Variants in SGCD observed in about 807,000 individuals in gnomAD.
The protein encoded by SGCD is delta-sarcoglycan.
In SGCD, 18 loss-of-function variants were observed where a neutral mutation model predicts 36.6. The ratio of observed to expected loss-of-function variants is 0.49; its 90% CI spans 0.34 to 0.73. The LOEUF (loss-of-function observed/expected upper bound fraction) is 0.73, where lower values mean the gene tolerates loss of function less well. SGCD is among the 30% of genes least tolerant of loss of function. The pLI is 0.01. For synonymous variants in SGCD, 133 were observed against 130.6 expected, an observed-to-expected ratio of 1.02 and a Z score of -0.12; for missense variants, 387 against 346.7, an observed-to-expected ratio of 1.12 and a Z score of -0.92.
chr5:156,602,828 T>C (rs1761255775), intron 6 of SGCD, among the ~76,000 whole-genome samples: 1 of 152,210 alleles, frequency 6.6e-6, no homozygotes, highest in Non-Finnish European at 1.5e-5. Context: ...TAATTTGCTG[T>C]TAAATTCAGT....
At chr5:156,490,686 G>C (rs114985610) in intron 3 of SGCD, among the ~76,000 whole-genome samples, 6 of 152,004 alleles carry the variant, frequency 3.9e-5, no homozygotes, top group Non-Finnish European at 5.9e-5. Context: ...CAATAAATTA[G>C]GCATAGAAGG....
At chr5:156,143,654 T>C (rs569311741) in intron 3 of SGCD, among the ~76,000 whole-genome samples, 1 of 152,330 alleles carries the variant, frequency 6.6e-6, no homozygotes, top group African/African-American at 2.4e-5. Context: ...AAGATTATTT[T>C]GGAGGTTTAA....
intron 3 of SGCD, among the ~76,000 whole-genome samples, chr5:156,163,792 G>T (rs916060485): frequency 1.3e-5 from 2 of 151,308 alleles, no homozygotes; most frequent in African/African-American, 2.5e-5. Flanking sequence ...AGGCCGAGGC[G>T]GGTGGATCAC....
chr5:156,158,806 C>T (rs1267644880), intron 3 of SGCD, among the ~76,000 whole-genome samples: 1 of 151,416 alleles, frequency 6.6e-6, no homozygotes, highest in East Asian at 1.9e-4. Flanking sequence ...ACAGCTGGAG[C>T]ATTCAAAAAA....
the SGCD span, among the ~76,000 whole-genome samples, chr5:155,819,995 T>A: frequency 6.6e-6 from 1 of 152,132 alleles, no homozygotes; most frequent in African/African-American, 2.4e-5. Flanking sequence ...TTGATTTCAG[T>A]TAGAGGAATT....
chr5:156,688,664 T>G (rs916194379), intron 7 of SGCD, among the ~76,000 whole-genome samples: 1 of 152,186 alleles, frequency 6.6e-6, no homozygotes, highest in African/African-American at 2.4e-5. Context: ...TGCCTCTTTG[T>G]CATGGTAGAG....
chr5:155,769,544 A>C, the SGCD span, among the ~76,000 whole-genome samples: 1 of 152,066 alleles, frequency 6.6e-6, no homozygotes, highest in African/African-American at 2.4e-5. Context: ...CAAATGGTTG[A>C]ATGGTAGCCA....
intron 1 of SGCD, among the ~76,000 whole-genome samples, chr5:155,896,627 CAGAG>C (rs377670649): frequency 2.0e-5 from 3 of 148,068 alleles, no homozygotes; most frequent in African/African-American, 5.0e-5. Flanking sequence ...GCCTGGGTGA[CAGAG>C]AGAGACCGTG....
At chr5:155,983,891 C>A (rs948416717) in intron 1 of SGCD, among the ~76,000 whole-genome samples, 1 of 152,030 alleles carries the variant, frequency 6.6e-6, no homozygotes, top group African/African-American at 2.4e-5. Flanking sequence ...AATTCTTTGC[C>A]CCTCTGCTGA....
At chr5:155,788,799 T>C in the SGCD span, among the ~76,000 whole-genome samples, 1 of 152,150 alleles carries the variant, frequency 6.6e-6, no homozygotes, top group Non-Finnish European at 1.5e-5. Flanking sequence ...TACCCATCAC[T>C]AGGCAGAACA....
At chr5:156,619,180 G>C (rs1180919050) in intron 6 of SGCD, among the ~76,000 whole-genome samples, 1 of 152,058 alleles carries the variant, frequency 6.6e-6, no homozygotes, top group East Asian at 1.9e-4. Context: ...CACCTGCCAC[G>C]ACGCCCGGCT....
chr5:156,432,963 T>C (rs756340723), intron 3 of SGCD, among the ~76,000 whole-genome samples: 1 of 152,168 alleles, frequency 6.6e-6, no homozygotes, highest in Non-Finnish European at 1.5e-5. Flanking sequence ...ACCTAGCTCC[T>C]GCATGTGTAT....
chr5:156,687,796 G>A (rs1418567379), intron 7 of SGCD, among the ~76,000 whole-genome samples: 1 of 152,186 alleles, frequency 6.6e-6, no homozygotes, highest in Non-Finnish European at 1.5e-5. Context: ...CAACAGCCTT[G>A]CTTCTCCCAA....
At chr5:156,591,825 A>T (rs986188763) in intron 5 of SGCD, among the ~76,000 whole-genome samples, 2 of 152,070 alleles carry the variant, frequency 1.3e-5, no homozygotes, top group African/African-American at 4.8e-5. Flanking sequence ...ATTTTTAAGG[A>T]TTCCAGCCAT....
At chr5:156,129,936 T>G (rs533636894) in intron 3 of SGCD, among the ~76,000 whole-genome samples, 1 of 152,362 alleles carries the variant, frequency 6.6e-6, no homozygotes, top group East Asian at 1.9e-4. Context: ...TTCTGAATAG[T>G]GCTGCAATGA....
intron 3 of SGCD, among the ~76,000 whole-genome samples, chr5:156,439,384 C>T (rs1464533333): frequency 6.6e-6 from 1 of 152,128 alleles, no homozygotes; most frequent in African/African-American, 2.4e-5. Flanking sequence ...TACTTGACGA[C>T]TCCTTCTTGG....
intron 2 of SGCD, among the ~76,000 whole-genome samples, chr5:156,341,593 A>G (rs1391133303): frequency 1.3e-5 from 2 of 152,224 alleles, no homozygotes; most frequent in East Asian, 3.8e-4. Context: ...GACCAATGGC[A>G]TGTAATCCTG....
At chr5:156,074,468 G>A (rs1332804666) in intron 1 of SGCD, among the ~76,000 whole-genome samples, 1 of 149,692 alleles carries the variant, frequency 6.7e-6, no homozygotes, top group Non-Finnish European at 1.5e-5. Context: ...CGGATCACAA[G>A]ATCAGGAGTT....
At chr5:156,147,329 C>A (rs1291973680) in intron 3 of SGCD, among the ~76,000 whole-genome samples, 2 of 152,144 alleles carry the variant, frequency 1.3e-5, no homozygotes, top group Non-Finnish European at 2.9e-5. Context: ...AATGTCCAAG[C>A]CTAACATGGA....
Sources: gnomAD v4.1 joint callset for allele counts (sites outside exome capture counted in the v4.1 genomes callset) on GRCh38, gnomAD v4.1.1 for gene constraint, MANE v1.5 for transcripts, NCBI Gene and HGNC (gene_info 2026-07-23, HGNC 2026-07-21) for gene names.